The following B3GALT1 variants were observed in gnomAD, a reference collection of about 807,000 sequenced individuals.
B3GALT1 encodes UDP-Gal:betaGlcNAc beta 1,3-galactosyltransferase, polypeptide 1.
B3GALT1 carries 10 observed loss-of-function variants against 23.2 expected under a neutral mutation model. The ratio of observed to expected loss-of-function variants is 0.43; its 90% confidence interval spans 0.27 to 0.73. The LOEUF (loss-of-function observed/expected upper bound fraction) is 0.73, where lower values mean the gene tolerates loss of function less well. Among genes scored for constraint, B3GALT1 ranks in the 30% least tolerant of loss-of-function variants. The probability of loss-of-function intolerance (pLI) is 0.21; values close to 1 mark genes in which losing one functional copy is unlikely to be tolerated. For synonymous variants in B3GALT1, 156 were observed against 141.5 expected, an observed-to-expected ratio of 1.10 and a Z score of -0.73; for missense variants, 299 against 405.4, an observed-to-expected ratio of 0.74 and a Z score of 2.25.
chr2:167,571,137 G>A (rs1413342231), intron 2 of B3GALT1, among the ~76,000 whole-genome samples: 1 of 151,886 alleles, frequency 6.6e-6, no homozygotes, highest in Non-Finnish European at 1.5e-5. Context: ...GTGAAAGAGG[G>A]CTTTTGTAAG....
At chr2:167,771,915 C>G (rs1688078714) in intron 3 of B3GALT1, among the ~76,000 whole-genome samples, 1 of 152,198 alleles carries the variant, frequency 6.6e-6, no homozygotes, top group Non-Finnish European at 1.5e-5. Flanking sequence ...AGCAGATACG[C>G]TAACCAATAA....
At chr2:167,334,747 CAG>C (rs1034554645) in intron 1 of B3GALT1, among the ~76,000 whole-genome samples, 18 of 152,100 alleles carry the variant, frequency 1.2e-4, no homozygotes, top group African/African-American at 3.6e-4. Context: ...AAGGGGAACA[CAG>C]AGATGTTTTA....
intron 1 of B3GALT1, among the ~76,000 whole-genome samples, chr2:167,389,359 C>T (rs1697979927): frequency 1.3e-5 from 2 of 152,182 alleles, no homozygotes; most frequent in Non-Finnish European, 2.9e-5. Flanking sequence ...GAATCAACCA[C>T]TAATTGGGCC....
chr2:167,648,092 G>C (rs1685779988), intron 3 of B3GALT1, among the ~76,000 whole-genome samples: 2 of 151,760 alleles, frequency 1.3e-5, no homozygotes, highest in East Asian at 1.9e-4. Context: ...TTTTCTTTCA[G>C]TCTCAGTGTA....
intron 1 of B3GALT1, among the ~76,000 whole-genome samples, chr2:167,408,683 T>C (rs1009343962): frequency 2.6e-5 from 4 of 151,714 alleles, no homozygotes; most frequent in African/African-American, 9.7e-5. Flanking sequence ...GTAACACTTA[T>C]ATATGGCCAA....
intron 4 of B3GALT1, among the ~76,000 whole-genome samples, chr2:167,843,482 C>A (rs1309038299): frequency 6.6e-6 from 1 of 152,170 alleles, no homozygotes; most frequent in Non-Finnish European, 1.5e-5. Flanking sequence ...GCTAATCAGA[C>A]AGACTGCCAG....
intron 3 of B3GALT1, among the ~76,000 whole-genome samples, chr2:167,761,939 A>G (rs747320712): frequency 2.0e-5 from 3 of 152,184 alleles, no homozygotes; most frequent in Non-Finnish European, 2.9e-5. Context: ...ACTTCCCACC[A>G]CAATGCCTGG....
At chr2:167,354,567 G>A (rs59956385) in intron 1 of B3GALT1, among the ~76,000 whole-genome samples, 2,487 of 152,006 alleles carry the variant, frequency 0.016, 76 homozygotes, top group African/African-American at 0.057. Context: ...GGATGGTCTC[G>A]GTCTGTTGAC....
chr2:167,746,192 A>G (rs1041759335), intron 3 of B3GALT1, among the ~76,000 whole-genome samples: 2 of 149,480 alleles, frequency 1.3e-5, no homozygotes, highest in African/African-American at 5.0e-5. Flanking sequence ...TGAAATATCT[A>G]TAAAATTCAT....
chr2:167,839,253 T>C (rs370523666), intron 4 of B3GALT1, among the ~76,000 whole-genome samples: 3 of 151,898 alleles, frequency 2.0e-5, no homozygotes, highest in South Asian at 2.1e-4. Context: ...TGTTTGCAGA[T>C]GACATGATTG....
At chr2:167,730,307 G>A (rs965925533) in intron 3 of B3GALT1, among the ~76,000 whole-genome samples, 2 of 151,984 alleles carry the variant, frequency 1.3e-5, no homozygotes, top group Admixed American at 1.3e-4. Flanking sequence ...TTAGCATAGT[G>A]TGTCTCAATT....
rs35378344 is a variant in B3GALT1, at chr2:167,491,483, C to CT, written c.-410+1223dup. 9.1e-3 allele frequency among the ~76,000 whole-genome samples: 1,113 copies of CT among 121,984 alleles called. 24 individuals carry two copies. Among genetic ancestry groups the CT allele is most frequent in the Middle Eastern group, 0.037 (8 of 216 alleles). 80.0% of individuals were successfully genotyped at this position (121,984 alleles called of 152,430 possible). On this transcript the variant is annotated intron_variant, in intron 2 of 4. Coordinates refer to ENST00000392690, the MANE Select transcript of B3GALT1 (RefSeq NM_020981.4). ...TTCTGTGTCTTTGGTTTTACTTTTG[C>CT]TTTTTTTTTTTTTTTTTCATTAACA...
At chr2:167,540,855 A>G in intron 2 of B3GALT1, among the ~76,000 whole-genome samples, 1 of 152,212 alleles carries the variant, frequency 6.6e-6, no homozygotes, top group East Asian at 1.9e-4. Flanking sequence ...ACTTCATTCA[A>G]ACAAGGCTAC....
At chr2:167,776,654 G>A (rs910521535) in intron 3 of B3GALT1, among the ~76,000 whole-genome samples, 1 of 152,176 alleles carries the variant, frequency 6.6e-6, no homozygotes, top group African/African-American at 2.4e-5. Context: ...TGGCAAACAT[G>A]TCATAAGAAT....
intron 3 of B3GALT1, among the ~76,000 whole-genome samples, chr2:167,675,670 ACT>A (rs1292462841): frequency 1.3e-5 from 2 of 151,852 alleles, no homozygotes; most frequent in Admixed American, 6.6e-5. Flanking sequence ...AACCCCAAAA[ACT>A]CTGACCAAGA....
chr2:167,812,960 TACACAC>T (rs376818432), intron 3 of B3GALT1, among the ~76,000 whole-genome samples: 2 of 139,998 alleles, frequency 1.4e-5, no homozygotes, highest in Admixed American at 7.3e-5. Flanking sequence ...CATACATGCA[TACACAC>T]ACACACACAC....
chr2:167,762,249 G>T (rs769554420), intron 3 of B3GALT1, among the ~76,000 whole-genome samples: 14 of 152,116 alleles, frequency 9.2e-5, no homozygotes, highest in Non-Finnish European at 5.9e-5. Flanking sequence ...TAATTGAGAT[G>T]AAAATAAGAT....
intron 3 of B3GALT1, among the ~76,000 whole-genome samples, chr2:167,732,691 A>C (rs1289218616): frequency 6.6e-6 from 1 of 152,242 alleles, no homozygotes; most frequent in African/African-American, 2.4e-5. Context: ...TGAATTGATT[A>C]TTTGTGTAAG....
chr2:167,577,210 A>C (rs1418804499), intron 2 of B3GALT1, among the ~76,000 whole-genome samples: 2 of 151,870 alleles, frequency 1.3e-5, no homozygotes, highest in Admixed American at 1.3e-4. Flanking sequence ...CATGTGATGT[A>C]TGATACTTCT....
Sources: gnomAD v4.1 joint callset for allele counts (sites outside exome capture counted in the v4.1 genomes callset) on GRCh38, gnomAD v4.1.1 for gene constraint, MANE v1.5 for transcripts, NCBI Gene and HGNC (gene_info 2026-07-23, HGNC 2026-07-21) for gene names.